Variants in DPH6 observed in about 807,000 individuals in gnomAD.
DPH6 encodes diphthine--ammonia ligase.
DPH6 carries 33 observed loss-of-function variants against 38.2 expected under a neutral mutation model. The ratio of observed to expected loss-of-function variants is 0.86; its 90% CI spans 0.65 to 1.15. The LOEUF (loss-of-function observed/expected upper bound fraction) is 1.15, where lower values mean the gene tolerates loss of function less well. DPH6 is among the 50% of genes most tolerant of loss of function. DPH6 has a pLI of 0.00. For synonymous variants in DPH6, 108 were observed against 103.0 expected, an observed-to-expected ratio of 1.05 and a Z score of -0.30; for missense variants, 325 against 320.0, an observed-to-expected ratio of 1.02 and a Z score of -0.12.
At chr15:35,251,172 TTTTC>T (rs754333671) in intron 3 of DPH6, among the ~76,000 whole-genome samples, 5 of 152,152 alleles carry the variant, frequency 3.3e-5, no homozygotes, top group African/African-American at 4.8e-5. Flanking sequence ...GTTTCTCCAT[TTTTC>T]TTTCTTTCTT....
rs562943974 is a variant in DPH6 at position 35,521,983 on chromosome 15, C to T, written c.312+16291G>A. On this transcript the variant is annotated intron_variant, in intron 3 of 8. Transcript: ENST00000256538. Reference sequence around the variant, plus strand: ...TGCCTAGGTAAGTACTAAACTAAGCCGTCAACTACCAGCAAGCAGAATGAA... The same window carrying T: ...TGCCTAGGTAAGTACTAAACTAAGCTGTCAACTACCAGCAAGCAGAATGAA... The T allele has an allele frequency of 1.0e-5, 15 of 1,462,364 alleles. No homozygotes were observed. In the African/African-American group the frequency reaches 1.4e-4, roughly 14 times the overall value. 90.6% of individuals were successfully genotyped at this position (1,462,364 alleles called of 1,614,324 possible). A position where few individuals can be genotyped will look rare whatever the true frequency, so the allele number is the denominator to read the frequency against.
intron 1 of DPH6, among the ~76,000 whole-genome samples, chr15:35,542,951 T>TAC (rs2055280721): frequency 9.3e-6 from 1 of 107,478 alleles, no homozygotes; most frequent in Non-Finnish European, 1.9e-5. Context: ...AAGGAATATA[T>TAC]ATATATATAT....
At chr15:35,234,256 AACTTCTGTTCCAACAAGGTAAGCATG>A (rs1196679272) in intron 3 of DPH6, among the ~76,000 whole-genome samples, 12 of 152,222 alleles carry the variant, frequency 7.9e-5, no homozygotes, top group Non-Finnish European at 1.5e-5. Flanking sequence ...TTTAATGGCA[AACTTCTGTTCCAACAAGGTAAGCATG>A]ATAGTAAGGC....
the DPH6 span, among the ~76,000 whole-genome samples, chr15:35,155,856 T>C: frequency 6.6e-6 from 1 of 152,218 alleles, no homozygotes; most frequent in South Asian, 2.1e-4. Flanking sequence ...TCTTATAAAG[T>C]AGACCACTAT....
intron 6 of DPH6, 75 bp downstream of exon 6, chr15:35,410,760 T>C: frequency 8.1e-7 from 1 of 1,240,890 alleles, no homozygotes. Context: ...GTAAATTTTT[T>C]AATCATTGTA....
intron 3 of DPH6, chr15:35,521,831 A>G (rs554186205): frequency 7.6e-7 from 1 of 1,315,486 alleles, no homozygotes; most frequent in Non-Finnish European, 9.6e-7. Context: ...AGTGCTCCTA[A>G]AGGAGTATAA....
At chr15:35,531,630 C>T (rs1294927649) in intron 3 of DPH6, among the ~76,000 whole-genome samples, 4 of 152,006 alleles carry the variant, frequency 2.6e-5, no homozygotes, top group African/African-American at 4.8e-5. Flanking sequence ...CGCACCACCA[C>T]GCCCAGCTAA....
intron 3 of DPH6, among the ~76,000 whole-genome samples, chr15:35,270,473 A>T (rs907051367): frequency 2.6e-5 from 4 of 152,072 alleles, no homozygotes; most frequent in African/African-American, 9.7e-5. Flanking sequence ...ATCTAAGGTT[A>T]TACATTTTTT....
At chr15:35,218,331 C>G (rs575790961) in exon 4 of DPH6, 2 of 152,162 alleles carry the variant, frequency 1.3e-5, no homozygotes, top group African/African-American at 4.8e-5. Flanking sequence ...TAAGCTAAAT[C>G]TTTGTTATGA....
intron 3 of DPH6, among the ~76,000 whole-genome samples, chr15:35,525,150 A>G (rs1366058930): frequency 6.6e-6 from 1 of 152,206 alleles, no homozygotes; most frequent in Non-Finnish European, 1.5e-5. Flanking sequence ...ACAAGTCATA[A>G]TAAGTACCCA....
downstream of DPH6, chr15:35,366,043 T>A: frequency 1.0e-6 from 1 of 976,874 alleles, no homozygotes; most frequent in South Asian, 4.7e-5. Context: ...ATAAAAGTCA[T>A]CATTTATCTT....
intron 3 of DPH6, among the ~76,000 whole-genome samples, chr15:35,506,835 T>C (rs544292364): frequency 6.6e-6 from 1 of 152,292 alleles, no homozygotes; most frequent in South Asian, 2.1e-4. Flanking sequence ...TAAAAGTACC[T>C]ATGGCAAAGG....
At chr15:35,263,846 G>A (rs2051765223) in intron 3 of DPH6, among the ~76,000 whole-genome samples, 1 of 151,846 alleles carries the variant, frequency 6.6e-6, no homozygotes. Context: ...TGAGTAGCTG[G>A]GACTACAGGC....
chr15:35,309,569 G>A (rs549386801), intron 3 of DPH6, among the ~76,000 whole-genome samples: 4 of 152,238 alleles, frequency 2.6e-5, no homozygotes, highest in South Asian at 2.1e-4. Context: ...TTTAAAGAGC[G>A]AAAAGGCATA....
intron 3 of DPH6, among the ~76,000 whole-genome samples, chr15:35,353,539 C>A (rs948275660): frequency 6.6e-6 from 1 of 152,138 alleles, no homozygotes; most frequent in Non-Finnish European, 1.5e-5. Flanking sequence ...AATAGGGAAT[C>A]CTTTCCCCAT....
At chr15:35,383,706 T>C (rs1308035560) in intron 6 of DPH6, among the ~76,000 whole-genome samples, 1 of 152,204 alleles carries the variant, frequency 6.6e-6, no homozygotes, top group African/African-American at 2.4e-5. Flanking sequence ...GGAAATAGTA[T>C]GACTAAATCC....
At chr15:35,186,675 TAC>T in the DPH6 span, among the ~76,000 whole-genome samples, 1 of 152,246 alleles carries the variant, frequency 6.6e-6, no homozygotes, top group Non-Finnish European at 1.5e-5. Context: ...TATTAAGTAT[TAC>T]ACAAGCCTAT....
intron 6 of DPH6, among the ~76,000 whole-genome samples, chr15:35,403,441 G>A (rs2053248527): frequency 6.6e-6 from 1 of 151,986 alleles, no homozygotes; most frequent in African/African-American, 2.4e-5. Flanking sequence ...ATTTAAAAAT[G>A]TAAAATTAAA....
At chr15:35,175,407 T>C in the DPH6 span, among the ~76,000 whole-genome samples, 2 of 152,218 alleles carry the variant, frequency 1.3e-5, no homozygotes, top group African/African-American at 4.8e-5. Context: ...TCTGTGACCC[T>C]CGTGAGCTGT....
Sources: gnomAD v4.1 joint callset for allele counts (sites outside exome capture counted in the v4.1 genomes callset) on GRCh38, gnomAD v4.1.1 for gene constraint, MANE v1.5 for transcripts, NCBI Gene and HGNC (gene_info 2026-07-23, HGNC 2026-07-21) for gene names.